Variants in CSPG4 observed in about 807,000 individuals in gnomAD.
The protein encoded by CSPG4 is chondroitin sulfate proteoglycan 4, also known as chondroitin sulfate proteoglycan 4 (melanoma-associated).
In CSPG4, 74 loss-of-function variants were observed where a neutral mutation model predicts 139.3. That is an observed-to-expected ratio of 0.53 (90% CI 0.44 to 0.64). The LOEUF is 0.64. CSPG4 is among the 30% of genes least tolerant of loss of function. CSPG4 has a pLI of 0.00. For missense variants in CSPG4, 2,565 were observed against 3,148.3 expected, an observed-to-expected ratio of 0.81 and a Z score of 4.43; for synonymous variants, 1,234 against 1,394.2, an observed-to-expected ratio of 0.89 and a Z score of 2.56.
chr15:75,689,734 G>A lies in CSPG4; in HGVS notation c.1331C>T (p.Thr444Ile), dbSNP rs1307912986. ...ISPLVVAEGGTAWLEWRHVQP... is the reference protein window; with the variant it reads ...ISPLVVAEGGIAWLEWRHVQP... ...CACATGCCTCCACTCAAGCCAGGCT[G>A]TGCCCCCCTCGGCCACCACCAGTGG... Residue 444 changes from threonine (T) to isoleucine (I), a missense_variant, in exon 3 of 10, where the codon ACA becomes ATA. Thr to Ile is a moderately conservative substitution (Grantham distance 89). Around this residue, in one of 5 missense-constraint regions of CSPG4, gnomAD observed 2,316 missense variants for 2,818.2 expected, o/e 0.82. Transcript: ENST00000308508. 1.9e-6 allele frequency: 3 copies of A among 1,612,792 alleles called. No individual in the cohort carries two copies. Among genetic ancestry groups the A allele is most frequent in the Middle Eastern group, 3.3e-4 (2 of 6,018 alleles).
chr15:75,681,580 T>G (rs1020848886), intron 8 of CSPG4, among the ~76,000 whole-genome samples: 1 of 152,254 alleles, frequency 6.6e-6, no homozygotes, highest in African/African-American at 2.4e-5. Flanking sequence ...CTGCCTGGGA[T>G]GGCCCATGGA....
At chr15:75,691,321 T>C (rs1383704741) in intron 2 of CSPG4, among the ~76,000 whole-genome samples, 2 of 152,250 alleles carry the variant, frequency 1.3e-5, no homozygotes, top group African/African-American at 4.8e-5. Context: ...AAGGAAACTC[T>C]GGGCCAGGGC....
chr15:75,684,839 T>A lies in CSPG4; in HGVS notation c.4346A>T (p.Asn1449Ile). The A allele has an allele frequency of 6.2e-7, 1 of 1,613,600 alleles. No homozygotes were observed. Among genetic ancestry groups the A allele is most frequent in the Non-Finnish European group, 8.5e-7 (1 of 1,179,852 alleles). The stretch of plus-strand genomic sequence containing the variant: ...GCTCTGGCGATCCATCTCGGAGGCA[T>A]TAGCCATCAGGACAAAACTGTCTGT... ...TLTDSFVLMA[N>I]ASEMDRQSHP... Residue 1449 changes from asparagine to isoleucine, a missense_variant, in exon 5 of 10, where the codon AAT (asparagine) becomes ATT (isoleucine). Coordinates refer to ENST00000308508, the MANE Select transcript of CSPG4 (RefSeq NM_001897.5).
chr15:75,704,891 G>A (rs1894349605), intron 1 of CSPG4, among the ~76,000 whole-genome samples: 1 of 152,194 alleles, frequency 6.6e-6, no homozygotes, highest in East Asian at 1.9e-4. Flanking sequence ...TCTGGCAGGT[G>A]AGCTGTCCCA....
Position 75,675,750 on chromosome 15 carries a change from C to T in CSPG4, c.6769G>A (p.Val2257Ile), listed in dbSNP as rs756039904. The part of the protein sequence containing the change: ...RKRNKTGKHD[V>I]QVLTAKPRNG... ...CGGGGCTTGGCAGTCAGGACCTGGA[C>T]GTCATGCTTGCCCGTCTTGTTGCGT... Residue 2257 changes from valine (V) to isoleucine (I), a missense_variant, in exon 10 of 10, where the codon GTC (valine) becomes ATC (isoleucine). Physicochemically the swap from Val to Ile is conservative, Grantham distance 29 (BLOSUM62 3). Coordinates refer to ENST00000308508, the MANE Select transcript of CSPG4 (RefSeq NM_001897.5). The T allele has an allele frequency of 2.2e-5, 35 of 1,609,368 alleles. No homozygotes were observed. The highest frequency in any genetic ancestry group is 4.0e-5 in the African/African-American group (3 of 74,870).
chr15:75,699,067 G>T (rs1336952381), intron 1 of CSPG4, among the ~76,000 whole-genome samples: 1 of 152,152 alleles, frequency 6.6e-6, no homozygotes, highest in African/African-American at 2.4e-5. Context: ...GGCCATCCCC[G>T]CGGCCCAAGG....
Position 75,698,610 on chromosome 15 carries a change from G to C in CSPG4, c.89-5377C>G, listed in dbSNP as rs1220883569. The stretch of plus-strand genomic sequence containing the variant: ...GTGGCGGCAAGGCAGGCGAGGAAGG[G>C]GTGCGCTGGGTCCCTGGTCTGGCCC... On this transcript the variant is annotated intron_variant, in intron 1 of 9. Coordinates refer to ENST00000308508, the MANE Select transcript of CSPG4 (RefSeq NM_001897.5). This position sits in a 1 kb window ranked among gnomAD's most constrained non-coding sequence, Gnocchi z 4.3. Among the ~76,000 whole-genome samples, 3 of 152,082 alleles carry C rather than the reference G, an allele frequency of 2.0e-5. No individual in the cohort carries two copies. The East Asian group carries it at 5.8e-4, about 29-fold the overall frequency.
intron 5 of CSPG4, among the ~76,000 whole-genome samples, chr15:75,683,673 G>C (rs933798264): frequency 2.0e-5 from 3 of 152,198 alleles, no homozygotes; most frequent in African/African-American, 7.2e-5. Context: ...CTTGCAAGCA[G>C]AGCAGGTGCC....
intron 1 of CSPG4, among the ~76,000 whole-genome samples, chr15:75,703,583 G>A (rs561523524): frequency 4.6e-5 from 7 of 152,316 alleles, no homozygotes; most frequent in Admixed American, 3.3e-4. Flanking sequence ...AACGCAATGC[G>A]GTGGGGCAGA....
At chr15:75,683,262 C>G (rs970801695) in intron 5 of CSPG4, among the ~76,000 whole-genome samples, 3 of 152,166 alleles carry the variant, frequency 2.0e-5, no homozygotes, top group Non-Finnish European at 4.4e-5. Context: ...CCAGGCCCAG[C>G]CTCCCTGCTC....
intron 8 of CSPG4, chr15:75,678,389 G>A (rs997755990): frequency 1.5e-5 from 4 of 258,524 alleles, no homozygotes; most frequent in Non-Finnish European, 3.1e-5. Context: ...GTCTTGCTCT[G>A]TTGCCCAGAC....
At chr15:75,712,987 CCT>C, upstream of CSPG4, 1 of 513,754 alleles carries the variant, frequency 1.9e-6, no homozygotes, top group Admixed American at 4.0e-5. Flanking sequence ...CGGGGCTGTT[CCT>C]CTCTGGGGCA....
rs1421286156 is a variant in CSPG4, at chr15:75,698,561, T to C, written c.89-5328A>G. On this transcript the variant is annotated intron_variant, in intron 1 of 9. Coordinates refer to ENST00000308508, the MANE Select transcript of CSPG4 (RefSeq NM_001897.5). The surrounding 1 kb of genome is among the most constrained non-coding windows in gnomAD (Gnocchi z 4.3). Reference sequence around the variant, plus strand: ...GGGTGAGTGTGTGCAGGAATGTGGGTCAGTGTCACATGTACACACGTGTGT... The same window carrying C: ...GGGTGAGTGTGTGCAGGAATGTGGGCCAGTGTCACATGTACACACGTGTGT... Among the ~76,000 whole-genome samples, 2 of 151,906 alleles carry C rather than the reference T, an allele frequency of 1.3e-5. No individual in the cohort carries two copies. The highest frequency in any genetic ancestry group is 1.5e-5 in the Non-Finnish European group (1 of 67,936).
chr15:75,698,287 GCTCT>G lies in CSPG4; in HGVS notation c.89-5058_89-5055del, dbSNP rs772584264. ...GGGAGGGCCAAGGCCGGGATGAAGG[GCTCT>G]CTGTCTCCCCTCATAGGTGTGTATG... is the stretch of plus-strand genomic sequence containing the variant. On this transcript the variant is annotated intron_variant, in intron 1 of 9. Coordinates refer to ENST00000308508, the MANE Select transcript of CSPG4 (RefSeq NM_001897.5). This position sits in a 1 kb window ranked among gnomAD's most constrained non-coding sequence, Gnocchi z 4.3. Among the ~76,000 whole-genome samples the G allele has an allele frequency of 1.2e-4, 18 of 151,072 alleles. No individual in the cohort carries two copies. The highest frequency in any genetic ancestry group is 2.1e-4 in the Non-Finnish European group (14 of 67,726).
In CSPG4 at chr15:75,677,082, C is replaced by A; in HGVS notation, c.5437G>T (p.Ala1813Ser). The change falls in exon 10 of 10, where the codon GCT becomes TCT. Residue 1813 changes from alanine (A) to serine (S), a missense_variant. Ala to Ser is a moderately conservative substitution (Grantham distance 99, BLOSUM62 1). Transcript: ENST00000308508. The stretch of plus-strand genomic sequence containing the variant: ...AAGGCCTCTGAGGTTTGGGGTCCAG[C>A]CACGGAGGCCCCTGCTGGCCCCTGG... ...HLQGPAGASVAGPQTSEAFAI... is the reference protein window; with the variant it reads ...HLQGPAGASVSGPQTSEAFAI... The A allele has an allele frequency of 7.1e-7, 1 of 1,416,030 alleles. No individual in the cohort carries two copies. Among genetic ancestry groups the A allele is most frequent in the Non-Finnish European group, 9.3e-7 (1 of 1,080,056 alleles). The allele number at this position is 1,416,030 out of a possible 1,614,324, so 87.7% of individuals were successfully genotyped here. A position where few individuals can be genotyped will look rare whatever the true frequency, so the allele number is the denominator to read the frequency against.
chr15:75,674,687 C>T lies in CSPG4; in HGVS notation c.*863G>A. On this transcript the variant is annotated 3_prime_UTR_variant, in exon 10 of 10. Coordinates refer to ENST00000308508, the MANE Select transcript of CSPG4 (RefSeq NM_001897.5). ...AACCAAGTGCCCCCAGCTGCCTGCCCTAGTCCTCAGGGGGGCACTGGCACC... is the reference window on the plus strand; with the variant it reads ...AACCAAGTGCCCCCAGCTGCCTGCCTTAGTCCTCAGGGGGGCACTGGCACC... The T allele has an allele frequency of 2.5e-6, 1 of 399,058 alleles. No homozygotes were observed. Among genetic ancestry groups the T allele is most frequent in the Non-Finnish European group, 4.4e-6 (1 of 226,156 alleles). 24.7% of individuals were successfully genotyped at this position (399,058 alleles called of 1,614,324 possible).
chr15:75,677,326 G>T lies in CSPG4; in HGVS notation c.5193C>A (p.Ser1731=). 1 of 1,421,896 alleles carries T rather than the reference G, an allele frequency of 7.0e-7. No homozygotes were observed. Among genetic ancestry groups the T allele is most frequent in the South Asian group, 1.7e-5 (1 of 60,046 alleles). The allele number at this position is 1,421,896 out of a possible 1,614,324, so 88.1% of individuals were successfully genotyped here. ...GTGATGGAACGCTGGCCAAGAGATTGGAGGCATCCAGAGCAGCCACGGTGA... is the reference window on the plus strand; with the variant it reads ...GTGATGGAACGCTGGCCAAGAGATTTGAGGCATCCAGAGCAGCCACGGTGA... ...ARITVAALDA[S]NLLASVPSPQ... The change falls in exon 10 of 10, where the codon TCC becomes TCA. Residue 1731 remains serine, a synonymous_variant. Coordinates refer to ENST00000308508, the MANE Select transcript of CSPG4 (RefSeq NM_001897.5).
At chr15:75,699,748 C>G (rs923916029) in intron 1 of CSPG4, among the ~76,000 whole-genome samples, 1 of 152,120 alleles carries the variant, frequency 6.6e-6, no homozygotes, top group Non-Finnish European at 1.5e-5. Flanking sequence ...TCAATGGTGT[C>G]TTTGTGGAAG....
At position 75,697,424 on chromosome 15, in the gene CSPG4, G is replaced by A. The variant is rs561141004; in HGVS notation, c.89-4191C>T. On this transcript the variant is annotated intron_variant, in intron 1 of 9. Coordinates refer to ENST00000308508, the MANE Select transcript of CSPG4 (RefSeq NM_001897.5). ...CTCTGTAGCTCAAGCCTGCTGCAGGGCACTCAGCTTCCACCTTCCAGACAG... is the reference window on the plus strand; with the variant it reads ...CTCTGTAGCTCAAGCCTGCTGCAGGACACTCAGCTTCCACCTTCCAGACAG... Among the ~76,000 whole-genome samples the A allele has an allele frequency of 1.4e-3, 220 of 152,380 alleles. 1 individual carries two copies. Among genetic ancestry groups the A allele is most frequent in the African/African-American group, 5.0e-3 (210 of 41,594 alleles).
Sources: allele counts gnomAD v4.1 joint callset (sites outside exome capture counted in the v4.1 genomes callset), GRCh38; gene constraint gnomAD v4.1.1; regional missense constraint gnomAD v4.1.1; non-coding constraint Gnocchi (gnomAD v3.1); transcripts MANE v1.5; gene names NCBI Gene and HGNC (gene_info 2026-07-23, HGNC 2026-07-21).